IMMP2L: variants seen among roughly 807,000 people sequenced by gnomAD.
The protein encoded by IMMP2L is mitochondrial inner membrane protease subunit 2.
IMMP2L carries 18 observed loss-of-function variants against 19.3 expected under a neutral mutation model. The ratio of observed to expected loss-of-function variants is 0.93; its 90% CI spans 0.64 to 1.38. The LOEUF (loss-of-function observed/expected upper bound fraction) is 1.38, where lower values mean the gene tolerates loss of function less well. Among genes scored for constraint, IMMP2L ranks in the 40% most tolerant of loss-of-function variants. The pLI is 0.00. For missense variants in IMMP2L, 233 were observed against 218.2 expected, an observed-to-expected ratio of 1.07 and a Z score of -0.43; for synonymous variants, 76 against 73.0, an observed-to-expected ratio of 1.04 and a Z score of -0.21.
chr7:110,741,639 T>C (rs1262612637), intron 5 of IMMP2L, among the ~76,000 whole-genome samples: 1 of 152,220 alleles, frequency 6.6e-6, no homozygotes, highest in African/African-American at 2.4e-5. Context: ...CTATTGTTTA[T>C]GAATTACCTA....
At position 111,470,838 on chromosome 7, in the gene IMMP2L, C is replaced by T. The variant is rs967002816; in HGVS notation, c.239+16400G>A. ...CATGTATACATATGTAACTAACCTG[C>T]ACATTGTGCTCATGTACCCTAAAAC... is the stretch of plus-strand genomic sequence containing the variant. On this transcript the variant is annotated intron_variant, in intron 3 of 5. Transcript: ENST00000405709. Among the ~76,000 whole-genome samples, 10 of 151,020 alleles carry T rather than the reference C, an allele frequency of 6.6e-5. No individual in the cohort carries two copies. In the East Asian group the frequency reaches 1.2e-3, roughly 18 times the overall value.
At chr7:111,422,079 C>G (rs1467131515) in intron 3 of IMMP2L, among the ~76,000 whole-genome samples, 1 of 151,750 alleles carries the variant, frequency 6.6e-6, no homozygotes, top group Non-Finnish European at 1.5e-5. Flanking sequence ...TTCCATTGGT[C>G]TATATCTCTG....
intron 3 of IMMP2L, among the ~76,000 whole-genome samples, chr7:111,382,866 G>T (rs959592941): frequency 4.6e-5 from 7 of 152,098 alleles, no homozygotes; most frequent in African/African-American, 1.7e-4. Flanking sequence ...AGGTTATACA[G>T]TAATTACCGG....
chr7:111,502,459 C>A (rs180789827), intron 2 of IMMP2L, among the ~76,000 whole-genome samples: 74 of 152,062 alleles, frequency 4.9e-4, no homozygotes, highest in Non-Finnish European at 7.9e-4. Flanking sequence ...TCACCTCTGC[C>A]CCAAGCATAC....
intron 5 of IMMP2L, among the ~76,000 whole-genome samples, chr7:110,753,983 G>A (rs965148959): frequency 3.3e-5 from 5 of 151,858 alleles, no homozygotes; most frequent in Non-Finnish European, 7.4e-5. Flanking sequence ...CAGTAAATGG[G>A]TCTTAAGTTT....
At chr7:111,154,760 T>C (rs989693549) in intron 3 of IMMP2L, among the ~76,000 whole-genome samples, 1 of 152,128 alleles carries the variant, frequency 6.6e-6, no homozygotes, top group Admixed American at 6.5e-5. Context: ...TTTGTTGTTA[T>C]TGTTGTTTTT....
chr7:111,123,843 G>C lies in IMMP2L; in HGVS notation c.240-160278C>G, dbSNP rs763256931. On this transcript the variant is annotated intron_variant, in intron 3 of 5. Transcript: ENST00000405709. This position sits in a 1 kb window ranked among gnomAD's most constrained non-coding sequence, Gnocchi z 6.4. ...TGTACCATGGTACCATTGAGTCTCT[G>C]CCAAACCTCAAGGAAATCAGCATAC... 1 of 1,613,966 alleles carries C rather than the reference G, an allele frequency of 6.2e-7. No homozygotes were observed. The highest frequency in any genetic ancestry group is 1.1e-5 in the South Asian group (1 of 91,078).
chr7:111,067,288 C>G (rs1309421994), intron 3 of IMMP2L, among the ~76,000 whole-genome samples: 1 of 152,196 alleles, frequency 6.6e-6, no homozygotes, highest in African/African-American at 2.4e-5. Flanking sequence ...GGGAACTGTT[C>G]TCTCTAACTT....
chr7:111,535,211 G>A (rs1847773948), intron 1 of IMMP2L, among the ~76,000 whole-genome samples: 1 of 151,974 alleles, frequency 6.6e-6, no homozygotes, highest in African/African-American at 2.4e-5. Context: ...GTCATTAATA[G>A]GAGAAATGCC....
chr7:111,128,836 C>G (rs1349010191), intron 3 of IMMP2L, among the ~76,000 whole-genome samples: 1 of 152,094 alleles, frequency 6.6e-6, no homozygotes, highest in Non-Finnish European at 1.5e-5. Context: ...AAAAAAGAGG[C>G]ATATTTAGTT....
At chr7:111,128,641 A>G (rs769674616) in intron 3 of IMMP2L, among the ~76,000 whole-genome samples, 7 of 152,166 alleles carry the variant, frequency 4.6e-5, no homozygotes, top group Non-Finnish European at 8.8e-5. Context: ...CCTGGCCAAC[A>G]TGGTGAAACT....
intron 3 of IMMP2L, among the ~76,000 whole-genome samples, chr7:111,376,694 T>G (rs771057990): frequency 6.6e-6 from 1 of 152,068 alleles, no homozygotes; most frequent in Non-Finnish European, 1.5e-5. Flanking sequence ...GGTCTATCCA[T>G]ACAGTGAATA....
At chr7:110,669,391 C>T (rs1417993058) in intron 5 of IMMP2L, among the ~76,000 whole-genome samples, 2 of 152,094 alleles carry the variant, frequency 1.3e-5, no homozygotes. Context: ...AAGAGGCTTA[C>T]CCACATTACA....
intron 5 of IMMP2L, among the ~76,000 whole-genome samples, chr7:110,807,356 C>T (rs1466322605): frequency 3.3e-5 from 5 of 152,030 alleles, no homozygotes; most frequent in South Asian, 2.1e-4. Flanking sequence ...AGTTTGAAAG[C>T]GTGTCTGAAT....
rs909950309 is a variant in IMMP2L at position 110,924,445 on chromosome 7, T to G, written c.306-37750A>C. Among the ~76,000 whole-genome samples the G allele has an allele frequency of 6.6e-6, 1 of 152,252 alleles. No homozygotes were observed. The highest frequency in any genetic ancestry group is 1.9e-4 in the East Asian group (1 of 5,168). ...ACTCATTAAAGGGGCCCCATCCTTC[T>G]GGCCAGTCACAAGGTCCTCTTGCTG... On this transcript the variant is annotated intron_variant, in intron 4 of 5. Transcript: ENST00000405709. The surrounding 1 kb of genome is among the most constrained non-coding windows in gnomAD (Gnocchi z 4.2).
At chr7:111,015,837 T>C (rs7779848) in intron 3 of IMMP2L, among the ~76,000 whole-genome samples, 10,322 of 152,210 alleles carry the variant, frequency 0.068, 1,138 homozygotes, top group African/African-American at 0.23. Context: ...ATGCTAGTGA[T>C]TGACACACTT....
chr7:111,532,879 G>C (rs1339297938), intron 1 of IMMP2L, among the ~76,000 whole-genome samples: 1 of 152,112 alleles, frequency 6.6e-6, no homozygotes, highest in African/African-American at 2.4e-5. Flanking sequence ...CAACAGTGCA[G>C]AGTCAGTACT....
intron 2 of IMMP2L, among the ~76,000 whole-genome samples, chr7:111,490,662 C>CCATTT (rs1209074922): frequency 2.0e-5 from 3 of 152,024 alleles, no homozygotes; most frequent in Admixed American, 1.3e-4. Context: ...AGAAATGATT[C>CCATTT]CATTTCTTTC....
chr7:111,196,832 T>A (rs1317571486), intron 3 of IMMP2L, among the ~76,000 whole-genome samples: 1 of 152,228 alleles, frequency 6.6e-6, no homozygotes, highest in Non-Finnish European at 1.5e-5. Flanking sequence ...ATTTGCAGTT[T>A]TACATTTTTG....
Sources: gnomAD v4.1 joint callset for allele counts (sites outside exome capture counted in the v4.1 genomes callset) on GRCh38, gnomAD v4.1.1 for gene constraint, Gnocchi (gnomAD v3.1) non-coding constraint, MANE v1.5 for transcripts, NCBI Gene and HGNC (gene_info 2026-07-23, HGNC 2026-07-21) for gene names.